The following DNAH3 variants were observed in gnomAD, a reference collection of about 807,000 sequenced individuals.
The protein encoded by DNAH3 is dynein axonemal heavy chain 3, also known as axonemal beta dynein heavy chain 3.
In DNAH3, 332 loss-of-function variants were observed where a neutral mutation model predicts 432.5. The ratio of observed to expected loss-of-function variants is 0.77; its 90% CI spans 0.70 to 0.84. The LOEUF (loss-of-function observed/expected upper bound fraction) is 0.84, where lower values mean the gene tolerates loss of function less well. DNAH3 is among the 40% of genes least tolerant of loss of function. DNAH3 has a pLI of 0.00. For synonymous variants in DNAH3, 1,956 were observed against 1,900.2 expected (o/e 1.03, Z -0.76); for missense variants, 4,861 against 5,114.0 (o/e 0.95, Z 1.51).
chr16:21,142,298 C>T (rs62036462), intron 3 of DNAH3, among the ~76,000 whole-genome samples: 15,556 of 151,672 alleles, frequency 0.1, 974 homozygotes, highest in Non-Finnish European at 0.14. Context: ...ACCCTGGGGA[C>T]GGAGGTTGCA....
Position 21,127,775 on chromosome 16 carries a change from GTA to G in DNAH3, c.1118_1119del (p.Ile373ThrfsTer56), listed in dbSNP as rs1567839146. On this transcript the variant is annotated frameshift_variant, in exon 8 of 62. Coordinates refer to ENST00000261383, the Ensembl canonical transcript of DNAH3. LOFTEE classifies it high-confidence loss of function. ...GGCTGCAGAGGCAATTTTCCCGCTA[GTA>G]TTTCTGCTGTTCGAACAAACCTGAG... The G allele has an allele frequency of 1.2e-6, 2 of 1,614,134 alleles. No homozygotes were observed. Among genetic ancestry groups the G allele is most frequent in the Non-Finnish European group, 1.7e-6 (2 of 1,179,990 alleles).
At chr16:21,026,174 TG>T (rs2088545179) in intron 38 of DNAH3, among the ~76,000 whole-genome samples, 2 of 152,174 alleles carry the variant, frequency 1.3e-5, no homozygotes, top group South Asian at 4.1e-4. Context: ...GGAGAATGGC[TG>T]GCTCTTGGGC....
chr16:20,942,539 G>A (rs2083862386), intron 58 of DNAH3, among the ~76,000 whole-genome samples: 1 of 152,188 alleles, frequency 6.6e-6, no homozygotes, highest in Non-Finnish European at 1.5e-5. Context: ...GATACTTAAT[G>A]GCACTAGGAA....
chr16:20,988,818 C>T (rs1039509842), intron 44 of DNAH3, among the ~76,000 whole-genome samples: 4 of 151,760 alleles, frequency 2.6e-5, no homozygotes, highest in East Asian at 1.9e-4. Flanking sequence ...TTCTGATGTT[C>T]GAATGTGTTC....
In DNAH3 at chr16:21,022,224, T is replaced by C. The variant is rs956991982; in HGVS notation, c.5647-124A>G. 1.1e-5 allele frequency: 11 copies of C among 1,020,268 alleles called. No homozygotes were observed. The Admixed American group carries it at 1.1e-4, about 10-fold the overall frequency. 63.2% of individuals were successfully genotyped at this position (1,020,268 alleles called of 1,614,324 possible). On this transcript the variant is annotated intron_variant, in intron 39 of 61. Transcript: ENST00000261383. ...GACTGCTGATTTAAATGTAGGTGCA[T>C]TGGGGGAAAACTTATAGGCAACAAG...
chr16:21,104,719 ATGAG>A lies in DNAH3; in HGVS notation c.2285-171_2285-168del, dbSNP rs2091909739. The A allele has an allele frequency of 4.9e-6, 3 of 612,926 alleles. No homozygotes were observed. The South Asian group carries it at 5.6e-5, about 11-fold the overall frequency. 38.0% of individuals were successfully genotyped at this position (612,926 alleles called of 1,614,324 possible). A position where few individuals can be genotyped will look rare whatever the true frequency, so the allele number is the denominator to read the frequency against. Reference sequence around the variant, plus strand: ...TGTGGGGGTGGCAATGAACACATGGATGAGTGACAGTGACATTTGTTGAGCACTT... The same window carrying A: ...TGTGGGGGTGGCAATGAACACATGGATGACAGTGACATTTGTTGAGCACTT... On this transcript the variant is annotated intron_variant, in intron 15 of 61. Coordinates refer to ENST00000261383, the Ensembl canonical transcript of DNAH3.
At chr16:20,984,208 C>CGTGTGT (rs142280534) in intron 48 of DNAH3, among the ~76,000 whole-genome samples, 1 of 149,284 alleles carries the variant, frequency 6.7e-6, no homozygotes, top group Admixed American at 6.7e-5. Flanking sequence ...CGCATGCGTG[C>CGTGTGT]GTGTGTGTGT....
intron 44 of DNAH3, among the ~76,000 whole-genome samples, chr16:20,993,888 A>T (rs1597088065): frequency 6.6e-6 from 1 of 152,148 alleles, no homozygotes; most frequent in African/African-American, 2.4e-5. Flanking sequence ...TATGCTGTTT[A>T]TTAGCGTATG....
intron 53 of DNAH3, among the ~76,000 whole-genome samples, chr16:20,961,042 C>T (rs1031726661): frequency 5.3e-5 from 8 of 151,920 alleles, no homozygotes; most frequent in African/African-American, 1.9e-4. Context: ...CTAAACAACA[C>T]AAATTTGCTG....
intron 37 of DNAH3, among the ~76,000 whole-genome samples, chr16:21,030,808 C>G (rs1259079286): frequency 2.0e-5 from 3 of 152,128 alleles, no homozygotes; most frequent in Non-Finnish European, 4.4e-5. Context: ...GATGCCAGCA[C>G]TAAGGCTCAC....
intron 49 of DNAH3, among the ~76,000 whole-genome samples, chr16:20,980,989 T>G (rs2152660389): frequency 6.6e-6 from 1 of 152,286 alleles, no homozygotes; most frequent in African/African-American, 2.4e-5. Context: ...CAATAAAACT[T>G]TATTTACAAA....
rs1567732533 is a variant in DNAH3 at position 21,067,770 on chromosome 16, G to GGGGGGGGGAGGGA, written c.3382-352_3382-351insTCCCTCCCCCCCC. On this transcript the variant is annotated intron_variant, in intron 23 of 61. Coordinates refer to ENST00000261383, the Ensembl canonical transcript of DNAH3. ...GAAAGCCAGTCTTGGGGGGGGGGGT[G>GGGGGGGGGAGGGA]GGGAGGGAGAGAGAGAGAGAGAGAG... Among the ~76,000 whole-genome samples, 48 of 20,576 alleles carry GGGGGGGGGAGGGA rather than the reference G, an allele frequency of 2.3e-3. 1 individual carries two copies. Among genetic ancestry groups the GGGGGGGGGAGGGA allele is most frequent in the African/African-American group, 8.1e-3 (47 of 5,826 alleles). 13.5% of individuals were successfully genotyped at this position (20,576 alleles called of 152,430 possible).
chr16:21,036,879 A>G (rs749245234), intron 34 of DNAH3, 31 bp from the exon 35 acceptor site: 5 of 1,570,200 alleles, frequency 3.2e-6, no homozygotes, highest in Non-Finnish European at 4.4e-6. Flanking sequence ...GAAAGTGGAA[A>G]GGATAAAGTA....
chr16:21,070,318 T>C (rs888545496), intron 22 of DNAH3, among the ~76,000 whole-genome samples: 1 of 152,138 alleles, frequency 6.6e-6, no homozygotes, highest in Non-Finnish European at 1.5e-5. Flanking sequence ...GTTTCACTCT[T>C]GTCGCCCAGG....
exon 3 of DNAH3, chr16:21,145,211 C>T (rs946115831): frequency 1.9e-6 from 3 of 1,612,578 alleles, no homozygotes; most frequent in African/African-American, 2.7e-5. Flanking sequence ...CCGGTCCTGT[C>T]CCTAGGGACA....
At chr16:21,102,245 T>A (rs1470005609) in intron 16 of DNAH3, among the ~76,000 whole-genome samples, 3 of 152,096 alleles carry the variant, frequency 2.0e-5, no homozygotes, top group Admixed American at 1.3e-4. Flanking sequence ...GAGTCACCCC[T>A]CAGAAGGAGA....
chr16:20,949,061 A>G (rs1204145878), intron 56 of DNAH3, among the ~76,000 whole-genome samples: 2 of 151,898 alleles, frequency 1.3e-5, no homozygotes, highest in Admixed American at 1.3e-4. Flanking sequence ...TCGGCAATAA[A>G]ATCCCCCACA....
At chr16:21,053,903 C>G (rs1310069679) in intron 28 of DNAH3, among the ~76,000 whole-genome samples, 1 of 152,012 alleles carries the variant, frequency 6.6e-6, no homozygotes, top group Non-Finnish European at 1.5e-5. Context: ...CTCTCACCAC[C>G]CACTGCTTGC....
At chr16:21,002,887 G>A (rs1053212333) in intron 42 of DNAH3, among the ~76,000 whole-genome samples, 22 of 152,038 alleles carry the variant, frequency 1.4e-4, no homozygotes, top group African/African-American at 4.3e-4. Context: ...TCCCCCCACC[G>A]CCATTTTTTG....
Sources: allele counts gnomAD v4.1 joint callset (sites outside exome capture counted in the v4.1 genomes callset), GRCh38; gene constraint gnomAD v4.1.1; transcripts MANE v1.5; gene names NCBI Gene and HGNC (gene_info 2026-07-23, HGNC 2026-07-21).